Variants in SEPTIN9 observed in about 807,000 individuals in gnomAD.
SEPTIN9 encodes the protein septin-9.
In SEPTIN9, 13 loss-of-function variants were observed where a neutral mutation model predicts 56.6. That is an observed-to-expected ratio of 0.23 (90% CI 0.15 to 0.37). The LOEUF is 0.37. SEPTIN9 is among the 10% of genes least tolerant of loss of function. The probability of loss-of-function intolerance (pLI) is 1.00; values close to 1 mark genes in which losing one functional copy is unlikely to be tolerated. For missense variants in SEPTIN9, 650 were observed against 823.1 expected (o/e 0.79, Z 2.57); for synonymous variants, 332 against 334.1 (o/e 0.99, Z 0.07).
chr17:77,379,029 A>G (rs548403612), intron 2 of SEPTIN9, among the ~76,000 whole-genome samples: 3 of 152,128 alleles, frequency 2.0e-5, no homozygotes, highest in South Asian at 2.1e-4. Flanking sequence ...TGTGCATCCC[A>G]GGGAGTGGTG....
At chr17:77,419,865 C>G (rs1568054893) in intron 3 of SEPTIN9, 1 of 152,322 alleles carries the variant, frequency 6.6e-6, no homozygotes, top group African/African-American at 2.4e-5. Context: ...GCTGCATCCC[C>G]CAAGGCCCCC....
intron 2 of SEPTIN9, among the ~76,000 whole-genome samples, chr17:77,378,736 G>A (rs2035027383): frequency 6.6e-6 from 1 of 152,152 alleles, no homozygotes; most frequent in Non-Finnish European, 1.5e-5. Context: ...TGCAGCCATG[G>A]GACCCCCCTT....
chr17:77,470,573 C>T (rs1170078371), intron 3 of SEPTIN9, among the ~76,000 whole-genome samples: 2 of 152,154 alleles, frequency 1.3e-5, no homozygotes, highest in South Asian at 2.1e-4. Flanking sequence ...TACTCATCCA[C>T]CCATCCATCC....
rs978976584 is a variant in SEPTIN9 at position 77,371,126 on chromosome 17, A to C, written c.77-30933A>C. Reference sequence around the variant, plus strand: ...GCCAAGCCCTGATTTGGGTTTCCTGAAAGAGCTCGGGGAACCTCCTTACCT... The same window carrying C: ...GCCAAGCCCTGATTTGGGTTTCCTGCAAGAGCTCGGGGAACCTCCTTACCT... On this transcript the variant is annotated intron_variant, in intron 2 of 11. Transcript: ENST00000427177. This position sits in a 1 kb window ranked among gnomAD's most constrained non-coding sequence, Gnocchi z 4.1. 6.6e-6 allele frequency among the ~76,000 whole-genome samples: 1 copy of C among 152,198 alleles called. No homozygotes were observed. Among genetic ancestry groups the C allele is most frequent in the Non-Finnish European group, 1.5e-5 (1 of 68,044 alleles).
rs536452215 is a variant in SEPTIN9, at chr17:77,475,554, C to G, written c.722-6590C>G. 6.2e-7 allele frequency: 1 copy of G among 1,612,942 alleles called. No homozygotes were observed. Among genetic ancestry groups the G allele is most frequent in the African/African-American group, 1.3e-5 (1 of 74,914 alleles). On this transcript the variant is annotated intron_variant, in intron 3 of 11. Transcript: ENST00000427177. This position sits in a 1 kb window ranked among gnomAD's most constrained non-coding sequence, Gnocchi z 4.6. ...GTTTCTGGGAAGGCCTGCAGGTGGC[C>G]GTAGGGCTGCCGCAGGGGTGCTGGC... is the stretch of plus-strand genomic sequence containing the variant.
At chr17:77,398,267 G>A (rs1384107007) in intron 2 of SEPTIN9, among the ~76,000 whole-genome samples, 3 of 152,196 alleles carry the variant, frequency 2.0e-5, no homozygotes, top group Non-Finnish European at 2.9e-5. Context: ...GAGCCACCAC[G>A]CCTGGCTTAG....
chr17:77,445,295 A>G lies in SEPTIN9; in HGVS notation c.722-36849A>G. The G allele has an allele frequency of 2.1e-6, 1 of 466,864 alleles. No individual in the cohort carries two copies. The highest frequency in any genetic ancestry group is 1.5e-5 in the South Asian group (1 of 64,546). The allele number at this position is 466,864 out of a possible 1,614,324, so 28.9% of individuals were successfully genotyped here. The stretch of plus-strand genomic sequence containing the variant: ...CCCCAGCCCTTTCCTCCGCACCCCC[A>G]TGCAGAAGCGCGGCCGCCAGCTCAC... On this transcript the variant is annotated intron_variant, in intron 3 of 11. Coordinates refer to ENST00000427177, the MANE Select transcript of SEPTIN9 (RefSeq NM_001113491.2). The surrounding 1 kb of genome is among the most constrained non-coding windows in gnomAD (Gnocchi z 4.7).
At chr17:77,486,614 T>G (rs116885422) in intron 4 of SEPTIN9, among the ~76,000 whole-genome samples, 2,616 of 150,942 alleles carry the variant, frequency 0.017, 36 homozygotes, top group South Asian at 0.029. Context: ...TTGAGGTGAG[T>G]TGTGTGTGTG....
chr17:77,445,527 T>C lies in SEPTIN9; in HGVS notation c.722-36617T>C, dbSNP rs1035636464. On this transcript the variant is annotated intron_variant, in intron 3 of 11. Coordinates refer to ENST00000427177, the MANE Select transcript of SEPTIN9 (RefSeq NM_001113491.2). The surrounding 1 kb of genome is among the most constrained non-coding windows in gnomAD (Gnocchi z 4.7). ...GGGTTGGTGCATGTGTGCACGCACG[T>C]GTGTGTGTGTGTGCGTGCGTGCTGG... is the stretch of plus-strand genomic sequence containing the variant. 1 of 332,048 alleles carries C rather than the reference T, an allele frequency of 3.0e-6. No individual in the cohort carries two copies. The highest frequency in any genetic ancestry group is 3.5e-5 in the Admixed American group (1 of 28,236). The allele number at this position is 332,048 out of a possible 1,614,324, so 20.6% of individuals were successfully genotyped here.
At chr17:77,392,603 A>G (rs1247624959) in intron 2 of SEPTIN9, among the ~76,000 whole-genome samples, 2 of 151,582 alleles carry the variant, frequency 1.3e-5, no homozygotes, top group Non-Finnish European at 2.9e-5. Context: ...AGCTGCTAGC[A>G]CTGTGGCCCA....
chr17:77,480,207 C>T (rs1044534823), intron 3 of SEPTIN9, among the ~76,000 whole-genome samples: 1 of 152,194 alleles, frequency 6.6e-6, no homozygotes, highest in Non-Finnish European at 1.5e-5. Context: ...CTTTGTTCCC[C>T]CAATTCCATA....
chr17:77,363,153 T>C (rs532966514), intron 2 of SEPTIN9, among the ~76,000 whole-genome samples: 3 of 152,292 alleles, frequency 2.0e-5, no homozygotes, highest in South Asian at 4.1e-4. Flanking sequence ...ACAGGTCACA[T>C]GGTCATCCCA....
At chr17:77,484,832 ATGGTGG>A (rs1217549763) in intron 4 of SEPTIN9, among the ~76,000 whole-genome samples, 1 of 29,226 alleles carries the variant, frequency 3.4e-5, no homozygotes, top group Non-Finnish European at 6.4e-5. Context: ...GGTGGTGGCG[ATGGTGG>A]TTGTGATGGT....
intron 2 of SEPTIN9, among the ~76,000 whole-genome samples, chr17:77,385,264 G>A (rs2143996270): frequency 6.6e-6 from 1 of 151,584 alleles, no homozygotes; most frequent in East Asian, 2.0e-4. Context: ...CCAGGTTCAG[G>A]TGATTCTCAT....
At position 77,475,325 on chromosome 17, in the gene SEPTIN9, A is replaced by G; in HGVS notation, c.722-6819A>G. 7.0e-7 allele frequency: 1 copy of G among 1,427,170 alleles called. No individual in the cohort carries two copies. The allele number at this position is 1,427,170 out of a possible 1,614,324, so 88.4% of individuals were successfully genotyped here. A position where few individuals can be genotyped will look rare whatever the true frequency, so the allele number is the denominator to read the frequency against. On this transcript the variant is annotated intron_variant, in intron 3 of 11. Coordinates refer to ENST00000427177, the MANE Select transcript of SEPTIN9 (RefSeq NM_001113491.2). The surrounding 1 kb of genome is among the most constrained non-coding windows in gnomAD (Gnocchi z 4.6). ...GGAGGGCAAGCCCTGGTTGCGAGGC[A>G]GGGCTTCCCCAGGATTCAGCAGGGA...
Position 77,493,087 on chromosome 17 carries a change from C to T in SEPTIN9, c.1573+11C>T, listed in dbSNP as rs1490348930. 1.3e-6 allele frequency: 2 copies of T among 1,545,446 alleles called. No homozygotes were observed. The highest frequency in any genetic ancestry group is 1.8e-6 in the Non-Finnish European group (2 of 1,141,526). On this transcript the variant is annotated intron_variant, in intron 10 of 11. Coordinates refer to ENST00000427177, the MANE Select transcript of SEPTIN9 (RefSeq NM_001113491.2). The stretch of plus-strand genomic sequence containing the variant: ...GGGGTACCATCGAAGGTACTCGCCG[C>T]AGGCGCCGGGGCTCCAGACAGATGG...
At chr17:77,392,054 G>A (rs983347353) in intron 2 of SEPTIN9, among the ~76,000 whole-genome samples, 5 of 152,208 alleles carry the variant, frequency 3.3e-5, no homozygotes, top group African/African-American at 7.2e-5. Flanking sequence ...TGCAGCCAGC[G>A]AGCTGCTCTT....
chr17:77,293,463 A>G (rs530888427), intron 1 of SEPTIN9, among the ~76,000 whole-genome samples: 1 of 152,102 alleles, frequency 6.6e-6, no homozygotes, highest in African/African-American at 2.4e-5. Context: ...TGCCTGGTCC[A>G]CTTGAGCATT....
intron 3 of SEPTIN9, among the ~76,000 whole-genome samples, chr17:77,455,964 A>C (rs72887155): frequency 0.03 from 4,573 of 151,972 alleles, 106 homozygotes; most frequent in African/African-American, 0.061. Flanking sequence ...TTTGAACACG[A>C]TCTCCCCCGG....
Sources: allele counts gnomAD v4.1 joint callset (sites outside exome capture counted in the v4.1 genomes callset), GRCh38; gene constraint gnomAD v4.1.1; non-coding constraint Gnocchi (gnomAD v3.1); transcripts MANE v1.5; gene names NCBI Gene and HGNC (gene_info 2026-07-23, HGNC 2026-07-21).